Variants in MBNL1 observed in about 807,000 individuals in gnomAD.
MBNL1 encodes muscleblind like splicing regulator 1.
In MBNL1, 8 loss-of-function variants were observed where a neutral mutation model predicts 42.2. That is an observed-to-expected ratio of 0.19 (90% confidence interval 0.11 to 0.34). The LOEUF is 0.34. MBNL1 is among the 10% of genes least tolerant of loss of function. The probability of loss-of-function intolerance (pLI) is 1.00; values close to 1 mark genes in which losing one functional copy is unlikely to be tolerated. For synonymous variants in MBNL1, 169 were observed against 173.9 expected (o/e 0.97, Z 0.22); for missense variants, 309 against 495.3 (o/e 0.62, Z 3.57).
At chr3:152,383,327 A>T (rs942180662) in intron 2 of MBNL1, among the ~76,000 whole-genome samples, 1 of 152,054 alleles carries the variant, frequency 6.6e-6, no homozygotes, top group Non-Finnish European at 1.5e-5. Flanking sequence ...AAAAGCCCTG[A>T]AATGTTATGT....
intron 2 of MBNL1, chr3:152,339,804 TA>T (rs1432380786): frequency 6.6e-6 from 1 of 152,190 alleles, no homozygotes; most frequent in Non-Finnish European, 1.5e-5. Flanking sequence ...GGATGCTTTT[TA>T]TTTTTAGTAA....
chr3:152,374,493 G>A (rs2096814891), intron 2 of MBNL1, among the ~76,000 whole-genome samples: 1 of 152,172 alleles, frequency 6.6e-6, no homozygotes, highest in Non-Finnish European at 1.5e-5. Flanking sequence ...TAATCACACT[G>A]CAGTGTCTTA....
chr3:152,366,133 G>C (rs1228855009), intron 2 of MBNL1, among the ~76,000 whole-genome samples: 1 of 152,058 alleles, frequency 6.6e-6, no homozygotes, highest in Non-Finnish European at 1.5e-5. Flanking sequence ...AGAAAAAAAA[G>C]AGTAATTTTG....
At chr3:152,263,202 A>G (rs1042844532), upstream of MBNL1, 7 of 152,226 alleles carry the variant, frequency 4.6e-5, no homozygotes, top group African/African-American at 1.4e-4. Flanking sequence ...AAAAGATTAA[A>G]TTTGGAAAAG....
chr3:152,285,474 T>TA (rs1379308884), intron 1 of MBNL1, among the ~76,000 whole-genome samples: 1 of 152,174 alleles, frequency 6.6e-6, no homozygotes, highest in Non-Finnish European at 1.5e-5. Context: ...AACCATCTCT[T>TA]AGAGTTGTGA....
intron 2 of MBNL1, among the ~76,000 whole-genome samples, chr3:152,368,747 T>G (rs2096537570): frequency 6.6e-6 from 1 of 152,206 alleles, no homozygotes; most frequent in African/African-American, 2.4e-5. Flanking sequence ...GTAAGTTATA[T>G]TCCTAGGTAT....
At chr3:152,295,080 T>C (rs2058022496) in intron 1 of MBNL1, among the ~76,000 whole-genome samples, 1 of 152,236 alleles carries the variant, frequency 6.6e-6, no homozygotes, top group African/African-American at 2.4e-5. Flanking sequence ...TCTATTTTAA[T>C]TGTTCAGTGT....
chr3:152,265,762 G>C (rs575863145), upstream of MBNL1: 4 of 152,098 alleles, frequency 2.6e-5, no homozygotes, highest in South Asian at 8.3e-4. Flanking sequence ...ATCTGAAATT[G>C]TTTTCTATAA....
Position 152,275,733 on chromosome 3 carries a change from AG to A in MBNL1, c.-790+6643del, listed in dbSNP as rs1214335164. 2.0e-5 allele frequency among the ~76,000 whole-genome samples: 3 copies of A among 148,350 alleles called. No homozygotes were observed. In the East Asian group the frequency reaches 5.8e-4, roughly 29 times the overall value. On this transcript the variant is annotated intron_variant, in intron 1 of 9. Coordinates refer to ENST00000324210, the MANE Select transcript of MBNL1 (RefSeq NM_021038.5). ...AAAAAAAAAAAAAAAAAAAAAAAAA[AG>A]GCTAATGTTTATACCAGGCAGGTAG... is the stretch of plus-strand genomic sequence containing the variant.
intron 1 of MBNL1, among the ~76,000 whole-genome samples, chr3:152,292,760 T>G (rs1420921236): frequency 3.9e-5 from 6 of 152,090 alleles, no homozygotes; most frequent in Admixed American, 3.9e-4. Flanking sequence ...TTTTAAAAAT[T>G]TATTTAATTA....
rs532239976 is a variant in MBNL1 at position 152,351,495 on chromosome 3, T to C, written c.174+51128T>C. Among the ~76,000 whole-genome samples the C allele has an allele frequency of 9.8e-5, 15 of 152,348 alleles. No homozygotes were observed. The South Asian group carries it at 3.1e-3, about 32-fold the overall frequency. On this transcript the variant is annotated intron_variant, in intron 2 of 9. Coordinates refer to ENST00000324210, the MANE Select transcript of MBNL1 (RefSeq NM_021038.5). ...TGGTTGCTATTTTTTCTGTAAGTTA[T>C]TAGTTTTCGAGTTTTATTAAAGGTG...
intron 2 of MBNL1, among the ~76,000 whole-genome samples, chr3:152,323,280 A>G (rs867286837): frequency 6.6e-6 from 1 of 152,140 alleles, no homozygotes; most frequent in African/African-American, 2.4e-5. Context: ...TTTTATACCC[A>G]TATAAAATTC....
intron 5 of MBNL1, 79 bp from the exon 6 acceptor site, chr3:152,447,541 T>C (rs1247483051): frequency 8.5e-7 from 1 of 1,173,984 alleles, no homozygotes; most frequent in African/African-American, 1.5e-5. Context: ...TTCCTAACAA[T>C]TTTAGCCTTC....
At chr3:152,342,095 G>A (rs965318062) in intron 2 of MBNL1, among the ~76,000 whole-genome samples, 1 of 152,102 alleles carries the variant, frequency 6.6e-6, no homozygotes, top group Admixed American at 6.6e-5. Context: ...AGAGAAACTT[G>A]GCCTCACAGC....
At chr3:152,303,314 ATG>A (rs1295610575) in intron 2 of MBNL1, among the ~76,000 whole-genome samples, 4 of 152,166 alleles carry the variant, frequency 2.6e-5, no homozygotes, top group Non-Finnish European at 5.9e-5. Flanking sequence ...AGCTGTAATA[ATG>A]TGTGCTAGTA....
At chr3:152,274,329 C>T (rs181883473) in intron 1 of MBNL1, among the ~76,000 whole-genome samples, 1 of 152,204 alleles carries the variant, frequency 6.6e-6, no homozygotes, top group Admixed American at 6.5e-5. Context: ...AAAAATACCA[C>T]AGTAGACTTA....
At chr3:152,379,703 A>G (rs2097096545) in intron 2 of MBNL1, among the ~76,000 whole-genome samples, 1 of 152,162 alleles carries the variant, frequency 6.6e-6, no homozygotes. Flanking sequence ...ATTGTTGTAG[A>G]ATCATGAGGT....
intron 3 of MBNL1, among the ~76,000 whole-genome samples, chr3:152,427,397 T>C (rs1315411578): frequency 2.6e-5 from 4 of 152,122 alleles, no homozygotes; most frequent in Non-Finnish European, 5.9e-5. Context: ...TTTGCTACCC[T>C]TTTTTTAAAG....
intron 2 of MBNL1, among the ~76,000 whole-genome samples, chr3:152,408,104 T>G (rs1041470098): frequency 1.3e-5 from 2 of 152,130 alleles, no homozygotes; most frequent in Non-Finnish European, 2.9e-5. Flanking sequence ...TGTTTTCCTA[T>G]GTAACAAACC....
Sources: gnomAD v4.1 joint callset for allele counts (sites outside exome capture counted in the v4.1 genomes callset) on GRCh38, gnomAD v4.1.1 for gene constraint, MANE v1.5 for transcripts, NCBI Gene and HGNC (gene_info 2026-07-23, HGNC 2026-07-21) for gene names.